CDH13: variants seen among roughly 807,000 people sequenced by gnomAD.
The protein encoded by CDH13 is cadherin 13, also known as cadherin-13.
Under a neutral mutation model 63.8 loss-of-function variants are expected in CDH13, and 24 were observed. The ratio of observed to expected loss-of-function variants is 0.38; its 90% CI spans 0.27 to 0.53. The LOEUF is 0.53. Among genes scored for constraint, CDH13 ranks in the 20% least tolerant of loss-of-function variants. CDH13 has a pLI of 0.85. For missense variants in CDH13, 1,049 were observed against 903.1 expected (o/e 1.16, Z -2.07); for synonymous variants, 503 against 355.3 (o/e 1.42, Z -4.67).
chr16:82,860,153 C>G (rs2039878435), intron 2 of CDH13, among the ~76,000 whole-genome samples: 1 of 152,062 alleles, frequency 6.6e-6, no homozygotes, highest in African/African-American at 2.4e-5. Context: ...GTGATTATCC[C>G]AAATGGCATC....
In CDH13 at chr16:83,751,105, T is replaced by G. The variant is rs767157641; in HGVS notation, c.1681+2855T>G. Reference sequence around the variant, plus strand: ...GCAAAGATAAGGGCAGAGAAGCGTGTGGATACCGGACTGTTCTAAGGTTGG... The same window carrying G: ...GCAAAGATAAGGGCAGAGAAGCGTGGGGATACCGGACTGTTCTAAGGTTGG... On this transcript the variant is annotated intron_variant, in intron 11 of 13. Transcript: ENST00000567109. Among the ~76,000 whole-genome samples the G allele has an allele frequency of 3.9e-5, 6 of 152,248 alleles. No homozygotes were observed. In the South Asian group the frequency reaches 8.3e-4, roughly 21 times the overall value.
rs138690675 is a variant in CDH13 at position 82,930,137 on chromosome 16, C to T, written c.157+71664C>T. Among the ~76,000 whole-genome samples, 446 of 150,268 alleles carry T rather than the reference C, an allele frequency of 3.0e-3. 5 individuals carry two copies. Among genetic ancestry groups the T allele is most frequent in the Non-Finnish European group, 3.4e-3 (228 of 67,642 alleles). The stretch of plus-strand genomic sequence containing the variant: ...TCAGCTCACTACAACCTCTGCCTCC[C>T]AATATAACCTTTGTATTTTTAAGAG... On this transcript the variant is annotated intron_variant, in intron 2 of 13. Transcript: ENST00000567109.
intron 5 of CDH13, among the ~76,000 whole-genome samples, chr16:83,289,218 A>G (rs574224849): frequency 1.3e-5 from 2 of 152,330 alleles, no homozygotes; most frequent in Admixed American, 1.3e-4. Context: ...CAGGAAATGA[A>G]CAGTACATAA....
intron 8 of CDH13, among the ~76,000 whole-genome samples, chr16:83,617,465 A>T (rs1909384227): frequency 6.6e-6 from 1 of 151,738 alleles, no homozygotes; most frequent in African/African-American, 2.4e-5. Context: ...CACATTTTCT[A>T]TTCTAATATA....
intron 7 of CDH13, among the ~76,000 whole-genome samples, chr16:83,538,306 C>G (rs1006779276): frequency 3.3e-5 from 5 of 152,146 alleles, no homozygotes; most frequent in Admixed American, 2.0e-4. Context: ...TACACCGTTT[C>G]CCAAGCATTA....
In CDH13 at chr16:83,082,124, A is replaced by G. The variant is rs562072345; in HGVS notation, c.367-43261A>G. ...CACCTAATTACTTCTTAATGGCCCAATCTCCAAATGTTATCACATTGGGGT... is the reference window on the plus strand; with the variant it reads ...CACCTAATTACTTCTTAATGGCCCAGTCTCCAAATGTTATCACATTGGGGT... On this transcript the variant is annotated intron_variant, in intron 3 of 13. Transcript: ENST00000567109. Among the ~76,000 whole-genome samples the G allele has an allele frequency of 2.5e-3, 374 of 152,272 alleles. 3 individuals are homozygous for G. Among genetic ancestry groups the G allele is most frequent in the Admixed American group, 0.017 (259 of 15,298 alleles).
chr16:82,797,498 T>G (rs1047617983), intron 1 of CDH13, among the ~76,000 whole-genome samples: 1 of 152,188 alleles, frequency 6.6e-6, no homozygotes, highest in African/African-American at 2.4e-5. Flanking sequence ...CACATCACTT[T>G]TGGCACTTAT....
At chr16:83,292,758 G>GA (rs1200908833) in intron 5 of CDH13, among the ~76,000 whole-genome samples, 2 of 152,156 alleles carry the variant, frequency 1.3e-5, no homozygotes, top group African/African-American at 4.8e-5. Flanking sequence ...GGTATGTTCA[G>GA]AAAATCAGTG....
chr16:82,890,891 A>G (rs918694776), intron 2 of CDH13, among the ~76,000 whole-genome samples: 1 of 152,094 alleles, frequency 6.6e-6, no homozygotes, highest in African/African-American at 2.4e-5. Context: ...ACCTCCAGTG[A>G]TCTGCCCACC....
chr16:83,102,948 C>CTTTTTTTTTTTTTTTTTTCTTTTT (rs2034566200), intron 3 of CDH13, among the ~76,000 whole-genome samples: 1 of 69,026 alleles, frequency 1.4e-5, no homozygotes, highest in Non-Finnish European at 2.5e-5. Flanking sequence ...TTTTCTTTTT[C>CTTTTTTTTTTTTTTTTTTCTTTTT]TTTTTTTTTT....
intron 2 of CDH13, among the ~76,000 whole-genome samples, chr16:82,890,768 C>G (rs1016138222): frequency 6.6e-6 from 1 of 151,784 alleles, no homozygotes; most frequent in African/African-American, 2.4e-5. Context: ...TATCCTGCCT[C>G]AGCCTCCCGA....
chr16:83,321,791 G>C (rs547646802), intron 5 of CDH13, among the ~76,000 whole-genome samples: 20 of 152,276 alleles, frequency 1.3e-4, no homozygotes, highest in African/African-American at 4.8e-4. Context: ...GCCTCCCAAA[G>C]TGCTGGGATT....
intron 5 of CDH13, among the ~76,000 whole-genome samples, chr16:83,265,467 C>T (rs78003200): frequency 0.092 from 14,068 of 152,202 alleles, 788 homozygotes; most frequent in East Asian, 0.18. Context: ...TTTCAGCTCC[C>T]TTTTACATAA....
chr16:82,788,275 A>G (rs2036120968), intron 1 of CDH13, among the ~76,000 whole-genome samples: 1 of 152,090 alleles, frequency 6.6e-6, no homozygotes, highest in Non-Finnish European at 1.5e-5. Context: ...GATGGTTGGG[A>G]TGGTTCTCCA....
At chr16:83,443,639 G>A (rs974073349) in intron 6 of CDH13, among the ~76,000 whole-genome samples, 5 of 149,570 alleles carry the variant, frequency 3.3e-5, no homozygotes, top group African/African-American at 1.2e-4. Context: ...GGCAGGCTGA[G>A]GCAGGAGGAC....
chr16:83,306,344 G>A (rs1369060195), intron 5 of CDH13, among the ~76,000 whole-genome samples: 1 of 152,172 alleles, frequency 6.6e-6, no homozygotes, highest in Non-Finnish European at 1.5e-5. Flanking sequence ...GGAGGTGTTT[G>A]GCTTATAGGG....
At chr16:83,351,542 C>T (rs1170157713) in intron 6 of CDH13, among the ~76,000 whole-genome samples, 1 of 152,140 alleles carries the variant, frequency 6.6e-6, no homozygotes, top group Non-Finnish European at 1.5e-5. Context: ...GTCCTATGGA[C>T]ATTTTTGTAA....
chr16:82,864,853 G>T (rs531711336), intron 2 of CDH13, among the ~76,000 whole-genome samples: 50 of 152,140 alleles, frequency 3.3e-4, no homozygotes, highest in Non-Finnish European at 1.8e-4. Flanking sequence ...CTGAGACAAG[G>T]CAAGTCCCTT....
chr16:83,259,034 A>G (rs1255510724), intron 5 of CDH13, among the ~76,000 whole-genome samples: 6 of 152,192 alleles, frequency 3.9e-5, no homozygotes, highest in Admixed American at 3.9e-4. Flanking sequence ...CCAGCCTTGT[A>G]CTTAAACTTC....
Sources: gnomAD v4.1 joint callset for allele counts (sites outside exome capture counted in the v4.1 genomes callset) on GRCh38, gnomAD v4.1.1 for gene constraint, MANE v1.5 for transcripts, NCBI Gene and HGNC (gene_info 2026-07-23, HGNC 2026-07-21) for gene names.